SMC4: variants seen among roughly 807,000 people sequenced by gnomAD.
SMC4 encodes structural maintenance of chromosomes 4, also known as structural maintenance of chromosomes protein 4.
A neutral mutation model predicts 145.6 loss-of-function variants in SMC4; 87 were observed. The ratio of observed to expected loss-of-function variants is 0.60; its 90% CI spans 0.50 to 0.71. The LOEUF (loss-of-function observed/expected upper bound fraction) is 0.71, where lower values mean the gene tolerates loss of function less well. Among genes scored for constraint, SMC4 ranks in the 30% least tolerant of loss-of-function variants. The pLI, the probability that SMC4 is intolerant of heterozygous loss-of-function variation, is 0.00. For synonymous variants in SMC4, 558 were observed against 500.7 expected (o/e 1.11, Z -1.53); for missense variants, 1,447 against 1,537.1 (o/e 0.94, Z 0.98).
intron 17 of SMC4, among the ~76,000 whole-genome samples, chr3:160,427,002 G>A (rs563019252): frequency 3.3e-5 from 5 of 152,248 alleles, no homozygotes; most frequent in African/African-American, 1.2e-4. Context: ...GAGTTGGAGC[G>A]ATTATCCAAC....
At chr3:160,425,056 TG>T (rs1560009949) in intron 16 of SMC4, 37 bp downstream of exon 16, 2 of 526,644 alleles carry the variant, frequency 3.8e-6, no homozygotes, top group African/African-American at 5.8e-5. Context: ...GTGTGTGTAC[TG>T]AAACTATTGG....
At chr3:160,428,064 G>T (rs1717992594) in intron 17 of SMC4, among the ~76,000 whole-genome samples, 1 of 152,214 alleles carries the variant, frequency 6.6e-6, no homozygotes, top group African/African-American at 2.4e-5. Context: ...GCAGTGAGCT[G>T]CGATGGCGCC....
rs775088062 is a variant in SMC4 at position 160,400,873 on chromosome 3, A to C, written c.47A>C (p.Glu16Ala). 1.3e-6 allele frequency: 2 copies of C among 1,523,246 alleles called. No individual in the cohort carries two copies. Among genetic ancestry groups the C allele is most frequent in the Admixed American group, 3.9e-5 (2 of 51,416 alleles). 94.4% of individuals were successfully genotyped at this position (1,523,246 alleles called of 1,614,324 possible). The change falls in exon 2 of 24, where the codon GAA becomes GCA. Residue 16 changes from glutamate to alanine, a missense_variant. Physicochemically the swap from Glu to Ala is moderately radical, Grantham distance 107 (BLOSUM62 -1). Coordinates refer to ENST00000357388, the MANE Select transcript of SMC4 (RefSeq NM_001002800.3). Reference sequence around the variant, plus strand: ...CCCTCCACTGCCCGGCGCAGAGAGGAAGGGCCGCCGCCGCCGTCCCCTGAC... The same window carrying C: ...CCCTCCACTGCCCGGCGCAGAGAGGCAGGGCCGCCGCCGCCGTCCCCTGAC... ...TQPSTARRRE[E>A]GPPPPSPDGA... is the part of the protein sequence containing the mutation.
chr3:160,402,209 A>T lies in SMC4; in HGVS notation c.318+116A>T, dbSNP rs994035849. The T allele has an allele frequency of 1.5e-5, 9 of 585,384 alleles. No homozygotes were observed. The East Asian group carries it at 3.0e-4, about 19-fold the overall frequency. 36.3% of individuals were successfully genotyped at this position (585,384 alleles called of 1,614,324 possible). On this transcript the variant is annotated intron_variant, in intron 3 of 23. Coordinates refer to ENST00000357388, the MANE Select transcript of SMC4 (RefSeq NM_001002800.3). ...CCTAAAATTCATTCACTCCCTATTT[A>T]TCCTGATAGTCTTTCTGTCTCTCTC...
At chr3:160,423,876 T>C (rs1717476487) in intron 15 of SMC4, 36 bp downstream of exon 15, 2 of 1,557,682 alleles carry the variant, frequency 1.3e-6, no homozygotes, top group Non-Finnish European at 1.7e-6. Flanking sequence ...GACTTTTTTT[T>C]TTTTTTAAAT....
chr3:160,432,235 A>G (rs1382811736), intron 21 of SMC4, 48 bp from the exon 22 acceptor site: 4 of 1,322,382 alleles, frequency 3.0e-6, no homozygotes, highest in African/African-American at 1.5e-5. Flanking sequence ...GCTAATTATC[A>G]TATCAAATTT....
rs1438946141 is a variant in SMC4 at position 160,417,710 on chromosome 3, CAT to C, written c.1438-10_1438-9del. On this transcript the variant is annotated splice_polypyrimidine_tract_variant and intron_variant, in intron 10 of 23. Coordinates refer to ENST00000357388, the MANE Select transcript of SMC4 (RefSeq NM_001002800.3). ...AATATCTGTCCAGATTTAATGAACT[CAT>C]ATTTTAACAGAGTCGAGAGAAAGAA... 6.3e-7 allele frequency: 1 copy of C among 1,588,816 alleles called. No individual in the cohort carries two copies. The highest frequency in any genetic ancestry group is 8.6e-7 in the Non-Finnish European group (1 of 1,163,106).
chr3:160,416,213 A>G (rs778184205), intron 9 of SMC4, 38 bp from the exon 10 acceptor site: 3 of 1,445,850 alleles, frequency 2.1e-6, no homozygotes, highest in Non-Finnish European at 2.8e-6. Flanking sequence ...TGGGTAACAT[A>G]AAGATGTATG....
At chr3:160,405,213 A>G (rs969490921) in intron 5 of SMC4, among the ~76,000 whole-genome samples, 2 of 152,026 alleles carry the variant, frequency 1.3e-5, no homozygotes, top group African/African-American at 4.8e-5. Context: ...ACTGATTTTT[A>G]TTAGAAACCC....
Position 160,428,945 on chromosome 3 carries a change from A to G in SMC4, c.2795+3A>G, listed in dbSNP as rs1560013329. On this transcript the variant is annotated splice_donor_region_variant and intron_variant, in intron 18 of 23. Transcript: ENST00000357388. Reference sequence around the variant, plus strand: ...GTAGCAATCAAGACTGCTGACAGGTAGAGTATGCATGTTACCCTAACTTGT... The same window carrying G: ...GTAGCAATCAAGACTGCTGACAGGTGGAGTATGCATGTTACCCTAACTTGT... 6.3e-7 allele frequency: 1 copy of G among 1,579,948 alleles called. No individual in the cohort carries two copies. The highest frequency in any genetic ancestry group is 2.3e-5 in the East Asian group (1 of 44,058).
chr3:160,414,099 A>T, intron 8 of SMC4: 1 of 453,798 alleles, frequency 2.2e-6, no homozygotes, highest in Non-Finnish European at 4.1e-6. Flanking sequence ...CTCCTATGGT[A>T]AAATTTTTAT....
chr3:160,418,652 C>A (rs899636784), intron 11 of SMC4, among the ~76,000 whole-genome samples: 2 of 152,194 alleles, frequency 1.3e-5, no homozygotes, highest in African/African-American at 4.8e-5. Flanking sequence ...CTTCTGTCTT[C>A]CTGGGATTCG....
intron 23 of SMC4, 79 bp from the exon 24 acceptor site, chr3:160,433,578 C>CA: frequency 1.2e-6 from 1 of 843,364 alleles, no homozygotes; most frequent in African/African-American, 1.7e-5. Flanking sequence ...GTTTATTGTC[C>CA]AAAAAATATT....
Position 160,402,015 on chromosome 3 carries a change from T to G in SMC4, c.240T>G (p.Pro80=). The change falls in exon 3 of 24, where the codon CCT becomes CCG. Residue 80 remains proline (P), a synonymous_variant. Transcript: ENST00000357388. Reference sequence around the variant, plus strand: ...CAATGACCAATGAAGCTGGAGCTCCTCGGCTTATGATAACTCATATTGTAA... The same window carrying G: ...CAATGACCAATGAAGCTGGAGCTCCGCGGCTTATGATAACTCATATTGTAA... ...PPAMTNEAGA[P]RLMITHIVNQ... 5 of 1,602,286 alleles carry G rather than the reference T, an allele frequency of 3.1e-6. No homozygotes were observed. The highest frequency in any genetic ancestry group is 4.3e-6 in the Non-Finnish European group (5 of 1,175,242).
At chr3:160,413,637 A>G (rs1383505297) in intron 8 of SMC4, 24 bp downstream of exon 8, 12 of 1,201,516 alleles carry the variant, frequency 1.0e-5, no homozygotes, top group Non-Finnish European at 1.2e-5. Flanking sequence ...GGGAAGTACT[A>G]AAAGTATTTA....
intron 14 of SMC4, 27 bp downstream of exon 14, chr3:160,423,677 G>T (rs776630518): frequency 1.9e-6 from 3 of 1,583,268 alleles, no homozygotes; most frequent in Non-Finnish European, 1.7e-6. Context: ...TTCTTGGTTT[G>T]TTTTTTTTTC....
intron 20 of SMC4, 55 bp downstream of exon 20, chr3:160,431,260 G>C: frequency 2.8e-6 from 4 of 1,430,582 alleles, no homozygotes; most frequent in Non-Finnish European, 3.7e-6. Flanking sequence ...GAAAAAGGAG[G>C]GTTTGGGGAG....
chr3:160,426,714 G>A (rs1255856069), intron 17 of SMC4, among the ~76,000 whole-genome samples: 1 of 152,188 alleles, frequency 6.6e-6, no homozygotes, highest in East Asian at 1.9e-4. Context: ...AGGCAGAATT[G>A]GCTCTGTAGC....
At chr3:160,413,720 C>CACTTG in intron 8 of SMC4, 107 bp downstream of exon 8, 3 of 666,448 alleles carry the variant, frequency 4.5e-6, no homozygotes, top group Non-Finnish European at 4.6e-6. Context: ...CATTTGCCAG[C>CACTTG]ATATCAAGTG....
Sources: gnomAD v4.1 joint callset for allele counts (sites outside exome capture counted in the v4.1 genomes callset) on GRCh38, gnomAD v4.1.1 for gene constraint, MANE v1.5 for transcripts, NCBI Gene and HGNC (gene_info 2026-07-23, HGNC 2026-07-21) for gene names.